The following BOC variants were observed in gnomAD, a reference collection of about 807,000 sequenced individuals.
The protein encoded by BOC is brother of CDO.
BOC carries 76 observed loss-of-function variants against 112.0 expected under a neutral mutation model. The observed-to-expected ratio is 0.68, with a 90% CI of 0.56 to 0.82. The LOEUF is 0.82. Among genes scored for constraint, BOC ranks in the 40% least tolerant of loss-of-function variants. The pLI, the probability that BOC is intolerant of heterozygous loss-of-function variation, is 0.00. For synonymous variants in BOC, 580 were observed against 599.8 expected, an observed-to-expected ratio of 0.97 and a Z score of 0.48; for missense variants, 1,309 against 1,511.7, an observed-to-expected ratio of 0.87 and a Z score of 2.22.
chr3:113,279,559 C>G, intron 12 of BOC, 104 bp downstream of exon 12: 1 of 1,135,478 alleles, frequency 8.8e-7, no homozygotes. Flanking sequence ...GGCCCAGGCC[C>G]CCACCCACCA....
intron 5 of BOC, 121 bp from the exon 6 acceptor site, chr3:113,270,680 A>C: frequency 8.6e-7 from 1 of 1,166,616 alleles, no homozygotes; most frequent in Non-Finnish European, 1.2e-6. Context: ...TCAGGTGGAC[A>C]TCAGCTCCTA....
At chr3:113,280,961 G>T in intron 14 of BOC, 70 bp from the exon 15 acceptor site, 1 of 1,586,554 alleles carries the variant, frequency 6.3e-7, no homozygotes, top group South Asian at 1.1e-5. Flanking sequence ...AGCTGAGTCT[G>T]ACTATGAGAT....
chr3:113,278,810 G>A lies in BOC; in HGVS notation c.1816+27G>A, dbSNP rs535816313. On this transcript the variant is annotated intron_variant, in intron 11 of 19. Coordinates refer to ENST00000682979, the MANE Select transcript of BOC (RefSeq NM_001378074.1). This position sits in a 1 kb window ranked among gnomAD's most constrained non-coding sequence, Gnocchi z 4.2. ...TAAGCCGCTAGCAGCAGGGACGGAC[G>A]CGCAGTCAGGACTGGAACTGCCTCA... 34 of 1,543,488 alleles carry A rather than the reference G, an allele frequency of 2.2e-5. No individual in the cohort carries two copies. Among genetic ancestry groups the A allele is most frequent in the South Asian group, 9.5e-5 (8 of 83,888 alleles).
chr3:113,281,001 C>T (rs1427548315), intron 14 of BOC, 30 bp from the exon 15 acceptor site: 1 of 1,612,394 alleles, frequency 6.2e-7, no homozygotes, highest in African/African-American at 1.3e-5. Flanking sequence ...TACACATTGC[C>T]ATGCACCATT....
intron 2 of BOC, among the ~76,000 whole-genome samples, chr3:113,217,053 C>T (rs1939535655): frequency 6.6e-6 from 1 of 152,168 alleles, no homozygotes; most frequent in Non-Finnish European, 1.5e-5. Context: ...GAGGTTGGCG[C>T]CTTCATCCTT....
At chr3:113,248,925 G>A (rs767246273) in intron 2 of BOC, among the ~76,000 whole-genome samples, 1 of 150,882 alleles carries the variant, frequency 6.6e-6, no homozygotes, top group Non-Finnish European at 1.5e-5. Flanking sequence ...ATTTTGTAGA[G>A]ACGGAAAAGT....
Position 113,270,934 on chromosome 3 carries a change from A to C in BOC, c.657A>C (p.Leu219=). ...AAACCTCCGGCTCCAGCGACAGGCTACGTGTGCGCCGTAAGGCCCGGGCCC... is the reference window on the plus strand; with the variant it reads ...AAACCTCCGGCTCCAGCGACAGGCTCCGTGTGCGCCGTAAGGCCCGGGCCC... The part of the protein sequence containing the change: ...EVKTSGSSDR[L]RVRRSTAEAA... Residue 219 remains leucine, a synonymous_variant, in exon 6 of 20, where the codon CTA becomes CTC. Coordinates refer to ENST00000682979, the MANE Select transcript of BOC (RefSeq NM_001378074.1). The C allele has an allele frequency of 6.2e-7, 1 of 1,614,182 alleles. No individual in the cohort carries two copies. The highest frequency in any genetic ancestry group is 1.3e-5 in the African/African-American group (1 of 75,062).
At chr3:113,271,029 G>A in intron 6 of BOC, 85 bp downstream of exon 6, 8 of 1,577,450 alleles carry the variant, frequency 5.1e-6, no homozygotes, top group Non-Finnish European at 6.9e-6. Flanking sequence ...GATACCTGGA[G>A]GTGCCACATC....
At chr3:113,232,362 T>A (rs560477603) in intron 2 of BOC, among the ~76,000 whole-genome samples, 2 of 152,372 alleles carry the variant, frequency 1.3e-5, no homozygotes, top group Non-Finnish European at 2.9e-5. Context: ...TGATATTTAT[T>A]TAAGTTTTAG....
In BOC at chr3:113,281,032, G is replaced by A. The variant is rs1314905795; in HGVS notation, c.2313G>A (p.Gly771=). 6.2e-7 allele frequency: 1 copy of A among 1,613,886 alleles called. No individual in the cohort carries two copies. Among genetic ancestry groups the A allele is most frequent in the Non-Finnish European group, 8.5e-7 (1 of 1,180,000 alleles). Residue 771 remains glycine (G), a splice_region_variant and synonymous_variant, in exon 15 of 20, where the codon GGG becomes GGA. Transcript: ENST00000682979. ...DSDYKKDMVE[G]DKYWHSISHL... is the part of the protein sequence containing the mutation. ...CCATTCTCTGACTCTGTTTCCCAGGGGACAAGTACTGGCACTCCATCAGCC... is the reference window on the plus strand; with the variant it reads ...CCATTCTCTGACTCTGTTTCCCAGGAGACAAGTACTGGCACTCCATCAGCC...
intron 2 of BOC, among the ~76,000 whole-genome samples, chr3:113,231,859 C>T (rs909130495): frequency 2.6e-5 from 4 of 152,148 alleles, no homozygotes; most frequent in Non-Finnish European, 5.9e-5. Flanking sequence ...CAAATACTTA[C>T]TGCACTCCTA....
At chr3:113,269,391 A>C (rs1947862111) in intron 5 of BOC, 1 of 152,072 alleles carries the variant, frequency 6.6e-6, no homozygotes, top group Non-Finnish European at 1.5e-5. Context: ...ACTCAAGGCC[A>C]AGTAGACCTT....
chr3:113,235,843 C>T (rs181809044), intron 2 of BOC, among the ~76,000 whole-genome samples: 45 of 152,128 alleles, frequency 3.0e-4, no homozygotes, highest in African/African-American at 1.0e-3. Context: ...GAGAATCAGC[C>T]CATTGCTTAA....
At chr3:113,223,759 T>C (rs751510347) in intron 2 of BOC, among the ~76,000 whole-genome samples, 13 of 152,220 alleles carry the variant, frequency 8.5e-5, no homozygotes, top group Admixed American at 2.0e-4. Context: ...CAGTTTTAAG[T>C]ATGGCTTTCT....
chr3:113,268,783 T>A lies in BOC; in HGVS notation c.523+338T>A, dbSNP rs1947799035. On this transcript the variant is annotated intron_variant, in intron 5 of 19. Coordinates refer to ENST00000682979, the MANE Select transcript of BOC (RefSeq NM_001378074.1). Reference sequence around the variant, plus strand: ...CACCATGCTTGGCTAACTTTAATTTTATTTGTTACAGAGACAGTCTTGCTA... The same window carrying A: ...CACCATGCTTGGCTAACTTTAATTTAATTTGTTACAGAGACAGTCTTGCTA... Among the ~76,000 whole-genome samples the A allele has an allele frequency of 2.6e-5, 4 of 152,142 alleles. No homozygotes were observed. In the South Asian group the frequency reaches 8.3e-4, roughly 32 times the overall value.
chr3:113,259,364 T>C (rs1216101500), intron 4 of BOC, among the ~76,000 whole-genome samples: 1 of 152,180 alleles, frequency 6.6e-6, no homozygotes, highest in Non-Finnish European at 1.5e-5. Context: ...GTTGATTCAG[T>C]GAGCCAAAAC....
At chr3:113,216,425 G>C in intron 2 of BOC, 151 bp downstream of exon 2, 1 of 373,242 alleles carries the variant, frequency 2.7e-6, no homozygotes, top group Non-Finnish European at 5.4e-6. Flanking sequence ...CTTCAGGTTA[G>C]TTCTAGCTCG....
At chr3:113,264,939 G>A (rs1200619521) in intron 4 of BOC, among the ~76,000 whole-genome samples, 2 of 152,198 alleles carry the variant, frequency 1.3e-5, no homozygotes, top group Non-Finnish European at 2.9e-5. Flanking sequence ...GTCCAGCTGG[G>A]GTGCCCTCGG....
At chr3:113,268,855 G>T (rs191002745) in intron 5 of BOC, among the ~76,000 whole-genome samples, 1 of 152,096 alleles carries the variant, frequency 6.6e-6, no homozygotes, top group African/African-American at 2.4e-5. Context: ...CAATCTTCCC[G>T]CTTTGGCTGA....
Sources: gnomAD v4.1 joint callset for allele counts (sites outside exome capture counted in the v4.1 genomes callset) on GRCh38, gnomAD v4.1.1 for gene constraint, Gnocchi (gnomAD v3.1) non-coding constraint, MANE v1.5 for transcripts, NCBI Gene and HGNC (gene_info 2026-07-23, HGNC 2026-07-21) for gene names.